Variants in CDH12 observed in about 807,000 individuals in gnomAD.
The protein encoded by CDH12 is cadherin 12.
In CDH12, 41 loss-of-function variants were observed where a neutral mutation model predicts 74.1. The ratio of observed to expected loss-of-function variants is 0.55; its 90% CI spans 0.43 to 0.72. The LOEUF is 0.72. CDH12 is among the 30% of genes least tolerant of loss of function. The probability of loss-of-function intolerance (pLI) is 0.00; values close to 1 mark genes in which losing one functional copy is unlikely to be tolerated. For synonymous variants in CDH12, 399 were observed against 355.0 expected (o/e 1.12, Z -1.39); for missense variants, 945 against 977.2 (o/e 0.97, Z 0.44).
At chr5:21,845,572 TCATGAAGC>T (rs1456812578) in intron 7 of CDH12, among the ~76,000 whole-genome samples, 2 of 150,840 alleles carry the variant, frequency 1.3e-5, no homozygotes, top group African/African-American at 4.9e-5. Context: ...TTTTTTTTTT[TCATGAAGC>T]CTTTTCTGAC....
At chr5:22,100,756 A>C (rs1326463960) in intron 4 of CDH12, among the ~76,000 whole-genome samples, 2 of 151,966 alleles carry the variant, frequency 1.3e-5, no homozygotes, top group African/African-American at 4.8e-5. Context: ...AAATTACTGC[A>C]TTACACTATT....
At chr5:22,502,045 G>T (rs1736179224) in intron 2 of CDH12, among the ~76,000 whole-genome samples, 2 of 152,050 alleles carry the variant, frequency 1.3e-5, no homozygotes, top group African/African-American at 4.8e-5. Flanking sequence ...CTTTCCATTT[G>T]TCGACACTCT....
At chr5:21,793,142 T>C (rs1362200214) in intron 10 of CDH12, among the ~76,000 whole-genome samples, 3 of 151,738 alleles carry the variant, frequency 2.0e-5, no homozygotes, top group African/African-American at 7.2e-5. Flanking sequence ...CCTTTTTGCT[T>C]TGCTCATGTT....
chr5:21,764,929 T>C, intron 12 of CDH12, 49 bp downstream of exon 12: 1 of 1,588,828 alleles, frequency 6.3e-7, no homozygotes, highest in Non-Finnish European at 8.6e-7. Context: ...ACTTAAAACA[T>C]GCATATGGTG....
chr5:22,330,470 G>A (rs751676891), intron 3 of CDH12, among the ~76,000 whole-genome samples: 1 of 151,988 alleles, frequency 6.6e-6, no homozygotes, highest in Non-Finnish European at 1.5e-5. Flanking sequence ...AGAAAAGCAG[G>A]GGCCAAGCGT....
At chr5:22,220,514 A>G (rs1477274628) in intron 3 of CDH12, among the ~76,000 whole-genome samples, 1 of 151,680 alleles carries the variant, frequency 6.6e-6, no homozygotes, top group Non-Finnish European at 1.5e-5. Flanking sequence ...ATGAGAAACT[A>G]AATTTTTTTT....
chr5:22,161,494 C>T (rs575798130), intron 4 of CDH12, among the ~76,000 whole-genome samples: 42 of 152,054 alleles, frequency 2.8e-4, no homozygotes, highest in South Asian at 2.7e-3. Flanking sequence ...CTCAGGAGTT[C>T]GAGACCTGCT....
At chr5:22,531,705 A>T (rs1737588647) in intron 1 of CDH12, among the ~76,000 whole-genome samples, 1 of 152,134 alleles carries the variant, frequency 6.6e-6, no homozygotes, top group African/African-American at 2.4e-5. Context: ...GGCAAAAGAA[A>T]TTCCAATTCA....
chr5:22,109,334 A>G (rs145661746), intron 4 of CDH12, among the ~76,000 whole-genome samples: 53 of 152,318 alleles, frequency 3.5e-4, no homozygotes, highest in African/African-American at 6.3e-4. Context: ...AAGCATGCCT[A>G]CTGCCCATTA....
intron 3 of CDH12, among the ~76,000 whole-genome samples, chr5:22,246,661 G>C (rs545581806): frequency 6.6e-6 from 1 of 152,060 alleles, no homozygotes; most frequent in African/African-American, 2.4e-5. Flanking sequence ...GGCTAATTAC[G>C]TAATTCCTTA....
intron 2 of CDH12, among the ~76,000 whole-genome samples, chr5:22,453,949 C>G (rs897521748): frequency 1.3e-5 from 2 of 151,882 alleles, no homozygotes; most frequent in Admixed American, 6.6e-5. Context: ...TTGGTATTTT[C>G]TATTATGTTG....
chr5:22,660,261 T>C (rs1361929960), intron 1 of CDH12, among the ~76,000 whole-genome samples: 1 of 152,180 alleles, frequency 6.6e-6, no homozygotes, highest in Non-Finnish European at 1.5e-5. Flanking sequence ...ATTTTCTCTA[T>C]TTCAAGGTTA....
At chr5:22,650,619 G>A (rs534928277) in intron 1 of CDH12, among the ~76,000 whole-genome samples, 3 of 152,176 alleles carry the variant, frequency 2.0e-5, no homozygotes, top group South Asian at 4.1e-4. Context: ...TGCTCATTAT[G>A]CACTGCACTG....
rs1170680238 is a variant in CDH12 at position 22,002,802 on chromosome 5, GA to G, written c.232-27418del. On this transcript the variant is annotated intron_variant, in intron 5 of 14. Transcript: ENST00000382254. ...AAGATTCAGTGTGCACAGCAATATGGAAAAAAAAATCAATATAACGAACATT... is the reference window on the plus strand; with the variant it reads ...AAGATTCAGTGTGCACAGCAATATGGAAAAAAAATCAATATAACGAACATT... Among the ~76,000 whole-genome samples, 153 of 150,078 alleles carry G rather than the reference GA, an allele frequency of 1.0e-3. 2 individuals carry two copies. Among genetic ancestry groups the G allele is most frequent in the African/African-American group, 3.3e-3 (134 of 40,956 alleles).
intron 1 of CDH12, among the ~76,000 whole-genome samples, chr5:22,696,316 A>G (rs1742359131): frequency 6.9e-6 from 1 of 144,382 alleles, no homozygotes; most frequent in East Asian, 2.1e-4. Context: ...GCTTACAGTG[A>G]GCCGAGATGG....
At chr5:22,639,773 C>T (rs1410323498) in intron 1 of CDH12, among the ~76,000 whole-genome samples, 1 of 152,058 alleles carries the variant, frequency 6.6e-6, no homozygotes, top group African/African-American at 2.4e-5. Flanking sequence ...AGGATGAGTG[C>T]CTCAGAGTAG....
chr5:22,321,126 A>G (rs1738857777), intron 3 of CDH12, among the ~76,000 whole-genome samples: 1 of 152,138 alleles, frequency 6.6e-6, no homozygotes, highest in Non-Finnish European at 1.5e-5. Flanking sequence ...GAAGGAAATT[A>G]TTGTTTTTCA....
chr5:21,829,874 A>G (rs1446859296), intron 8 of CDH12, among the ~76,000 whole-genome samples: 1 of 152,000 alleles, frequency 6.6e-6, no homozygotes, highest in African/African-American at 2.4e-5. Context: ...TCCAAACCTC[A>G]TTGATCACTT....
At chr5:22,623,560 CA>C (rs1329404695) in intron 1 of CDH12, among the ~76,000 whole-genome samples, 1 of 152,166 alleles carries the variant, frequency 6.6e-6, no homozygotes, top group Non-Finnish European at 1.5e-5. Context: ...AACTCCCATT[CA>C]CAATTGCTTC....
Sources: gnomAD v4.1 joint callset for allele counts (sites outside exome capture counted in the v4.1 genomes callset) on GRCh38, gnomAD v4.1.1 for gene constraint, MANE v1.5 for transcripts, NCBI Gene and HGNC (gene_info 2026-07-23, HGNC 2026-07-21) for gene names.